Variants in FLYWCH1 observed in about 807,000 individuals in gnomAD.
FLYWCH1 encodes the protein FLYWCH-type zinc finger 1.
FLYWCH1 carries 75 observed loss-of-function variants against 66.4 expected under a neutral mutation model. The observed-to-expected ratio is 1.13, with a 90% CI of 0.94 to 1.37. FLYWCH1 has a LOEUF of 1.37. Ranked by LOEUF, FLYWCH1 falls within the 40% of genes most tolerant of loss-of-function variation. FLYWCH1 has a pLI of 0.00. For missense variants in FLYWCH1, 1,334 were observed against 1,001.8 expected (o/e 1.33, Z -4.48); for synonymous variants, 595 against 429.9 (o/e 1.38, Z -4.75).
In FLYWCH1 at chr16:2,930,774, C is replaced by A; in HGVS notation, c.690C>A (p.Pro230=). Residue 230 remains proline, a synonymous_variant, in exon 4 of 10, where the codon CCC becomes CCA. Transcript: ENST00000253928. ...GPWQCPEEPE[P]TPGLVLSKPA... is the part of the protein sequence containing the mutation. Reference sequence around the variant, plus strand: ...GGCAGTGCCCTGAGGAGCCCGAGCCCACTCCTGGGCTGGTGCTGAGCAAGC... The same window carrying A: ...GGCAGTGCCCTGAGGAGCCCGAGCCAACTCCTGGGCTGGTGCTGAGCAAGC... 1 of 1,586,262 alleles carries A rather than the reference C, an allele frequency of 6.3e-7. No homozygotes were observed. Among genetic ancestry groups the A allele is most frequent in the Non-Finnish European group, 8.5e-7 (1 of 1,171,356 alleles).
At chr16:2,945,215 C>T (rs57647581) in intron 9 of FLYWCH1, among the ~76,000 whole-genome samples, 3 of 151,928 alleles carry the variant, frequency 2.0e-5, no homozygotes, top group African/African-American at 7.2e-5. Flanking sequence ...TAGCCAGGTA[C>T]AGTGGCTCAC....
At chr16:2,945,808 T>C (rs546693290) in intron 9 of FLYWCH1, among the ~76,000 whole-genome samples, 67 of 152,070 alleles carry the variant, frequency 4.4e-4, no homozygotes, top group South Asian at 1.0e-3. Flanking sequence ...CCATCCTGGC[T>C]AACATGGTGA....
rs1017518750 is a variant in FLYWCH1 at position 2,933,670 on chromosome 16, A to C, written c.1250-46A>C. On this transcript the variant is annotated intron_variant, in intron 5 of 9. Coordinates refer to ENST00000253928, the MANE Select transcript of FLYWCH1 (RefSeq NM_001308068.2). Reference sequence around the variant, plus strand: ...GAGGGAAGGGGGTGCGATCAGGCCTACCCAGCCCCTGTCCCCTCCCCTGAC... The same window carrying C: ...GAGGGAAGGGGGTGCGATCAGGCCTCCCCAGCCCCTGTCCCCTCCCCTGAC... 3.1e-6 allele frequency: 5 copies of C among 1,587,540 alleles called. No homozygotes were observed. In the African/African-American group the frequency reaches 6.7e-5, roughly 21 times the overall value.
intron 2 of FLYWCH1, among the ~76,000 whole-genome samples, chr16:2,917,311 C>T (rs2070205374): frequency 1.3e-5 from 2 of 148,594 alleles, no homozygotes; most frequent in Admixed American, 6.7e-5. Context: ...CTCACTGCAA[C>T]TTCCACCTCC....
In FLYWCH1 at chr16:2,929,700, G is replaced by C. The variant is rs771191998; in HGVS notation, c.15G>C (p.Glu5Asp). Residue 5 changes from glutamate (E) to aspartate (D), a missense_variant, in exon 3 of 10, where the codon GAG (glutamate) becomes GAC (aspartate). Glu to Asp is a conservative substitution (Grantham distance 45). Coordinates refer to ENST00000253928, the MANE Select transcript of FLYWCH1 (RefSeq NM_001308068.2). ...TGGGTCCCGGGATGCCCCTGCCCGA[G>C]CCCAGCGAGCAGGAGGGCGAGAGTG... MPLP[E>D]PSEQEGESVK... is the part of the protein sequence containing the mutation. 19 of 1,611,938 alleles carry C rather than the reference G, an allele frequency of 1.2e-5. No individual in the cohort carries two copies. Among genetic ancestry groups the C allele is most frequent in the African/African-American group, 2.7e-5 (2 of 74,934 alleles).
In FLYWCH1 at chr16:2,930,850, C is replaced by A; in HGVS notation, c.766C>A (p.Pro256Thr). The change falls in exon 4 of 10, where the codon CCG becomes ACG. Residue 256 changes from proline to threonine, a missense_variant. By Grantham distance (38) the Pro-to-Thr change is conservative. Coordinates refer to ENST00000253928, the MANE Select transcript of FLYWCH1 (RefSeq NM_001308068.2). ...CCGAGCCCTGTCACTGCTGAGCCTG[C>A]CGCCCAAGAAGCGCTCGATCCTGGG... ...APRALSLLSL[P>T]PKKRSILGLG... is the part of the protein sequence containing the mutation. 6.2e-7 allele frequency: 1 copy of A among 1,601,168 alleles called. No individual in the cohort carries two copies.
At position 2,936,798 on chromosome 16, in the gene FLYWCH1, C is replaced by T. The variant is rs568516274; in HGVS notation, c.1514-323C>T. The T allele has an allele frequency of 2.2e-5, 12 of 552,520 alleles. No individual in the cohort carries two copies. The East Asian group carries it at 4.4e-4, about 20-fold the overall frequency. The allele number at this position is 552,520 out of a possible 1,614,324, so 34.2% of individuals were successfully genotyped here. On this transcript the variant is annotated intron_variant, in intron 6 of 9. Coordinates refer to ENST00000253928, the MANE Select transcript of FLYWCH1 (RefSeq NM_001308068.2). ...TTCCTCTGACCAACCAGGCACGGCG[C>T]ACCCTGCATGCAAGCCTGGGCGGGT...
rs1255427338 is a variant in FLYWCH1 at position 2,948,717 on chromosome 16, A to T, written c.2141A>T (p.Glu714Val). The T allele has an allele frequency of 6.2e-7, 1 of 1,613,944 alleles. No homozygotes were observed. The highest frequency in any genetic ancestry group is 8.5e-7 in the Non-Finnish European group (1 of 1,179,804). ...ATCAAAGACGTCAGACTGGATGGCGAGTCCCAGTGAGGCGATGTGGGCAGA... is the reference window on the plus strand; with the variant it reads ...ATCAAAGACGTCAGACTGGATGGCGTGTCCCAGTGAGGCGATGTGGGCAGA... ...GDIKDVRLDG[E>V]SQ The change falls in exon 10 of 10, where the codon GAG becomes GTG. Residue 714 changes from glutamate to valine, a missense_variant. Coordinates refer to ENST00000253928, the MANE Select transcript of FLYWCH1 (RefSeq NM_001308068.2).
intron 4 of FLYWCH1, among the ~76,000 whole-genome samples, 189 bp downstream of exon 4, chr16:2,931,069 C>T (rs955733574): frequency 1.3e-5 from 2 of 151,996 alleles, no homozygotes; most frequent in African/African-American, 2.4e-5. Context: ...CTTTGGGAGG[C>T]CAAGGCGGAC....
intron 2 of FLYWCH1, among the ~76,000 whole-genome samples, chr16:2,917,840 C>G (rs953472979): frequency 2.3e-5 from 3 of 129,658 alleles, no homozygotes; most frequent in Admixed American, 8.4e-5. Context: ...AATCTGGAGT[C>G]TTTTCTTCCC....
At position 2,933,255 on chromosome 16, in the gene FLYWCH1, G is replaced by A. The variant is rs746052226; in HGVS notation, c.922G>A (p.Ala308Thr). ...DKVYWTCRDH[A>T]LHGCRSRAIT... ...GGTGTATTGGACCTGCCGGGACCAC[G>A]CGCTGCACGGCTGCCGGAGCCGGGC... The change falls in exon 5 of 10, where the codon GCG becomes ACG. Residue 308 changes from alanine (A) to threonine (T), a missense_variant. Physicochemically the swap from Ala to Thr is moderately conservative, Grantham distance 58. Transcript: ENST00000253928. 32 of 1,613,266 alleles carry A rather than the reference G, an allele frequency of 2.0e-5. No individual in the cohort carries two copies. Among genetic ancestry groups the A allele is most frequent in the South Asian group, 5.5e-5 (5 of 91,054 alleles).
chr16:2,937,289 T>C lies in FLYWCH1; in HGVS notation c.1682T>C (p.Val561Ala). ...RAITQGRRVM[V>A]MRRHCHPPDL... Reference sequence around the variant, plus strand: ...ATCACCCAGGGCCGGCGGGTCATGGTCATGCGCAGGCACTGCCACCCACCG... The same window carrying C: ...ATCACCCAGGGCCGGCGGGTCATGGCCATGCGCAGGCACTGCCACCCACCG... Residue 561 changes from valine (V) to alanine (A), a missense_variant, in exon 7 of 10, where the codon GTC becomes GCC. Transcript: ENST00000253928. 6.2e-7 allele frequency: 1 copy of C among 1,604,438 alleles called. No individual in the cohort carries two copies.
chr16:2,940,285 C>CT (rs1364666551), intron 9 of FLYWCH1, 193 bp downstream of exon 9: 6 of 526,888 alleles, frequency 1.1e-5, no homozygotes, highest in Non-Finnish European at 2.0e-5. Context: ...CCAAGTGAGG[C>CT]TGGAGGCCCT....
chr16:2,937,398 G>T lies in FLYWCH1; in HGVS notation c.1777+14G>T. ...GGGACAGCCCAGGTGCGTGTGGAGGGTGCTGGGCTGGGTCTGCCTGGTCTC... is the reference window on the plus strand; with the variant it reads ...GGGACAGCCCAGGTGCGTGTGGAGGTTGCTGGGCTGGGTCTGCCTGGTCTC... On this transcript the variant is annotated intron_variant, in intron 7 of 9. Transcript: ENST00000253928. 3.9e-6 allele frequency: 6 copies of T among 1,521,834 alleles called. No homozygotes were observed. The highest frequency in any genetic ancestry group is 8.8e-7 in the Non-Finnish European group (1 of 1,138,676). 94.3% of individuals were successfully genotyped at this position (1,521,834 alleles called of 1,614,324 possible).
At chr16:2,918,498 T>C (rs1352513545) in intron 2 of FLYWCH1, among the ~76,000 whole-genome samples, 2 of 149,146 alleles carry the variant, frequency 1.3e-5, no homozygotes, top group African/African-American at 5.0e-5. Flanking sequence ...TGGAGTGCAA[T>C]GGCAGGATCT....
At chr16:2,930,902 G>C (rs754091627) in intron 4 of FLYWCH1, 22 bp downstream of exon 4, 16 of 1,548,904 alleles carry the variant, frequency 1.0e-5, no homozygotes, top group Admixed American at 1.9e-5. Context: ...CCACTCCCCT[G>C]CTGCGTCCAC....
chr16:2,923,739 A>G (rs1327138063), intron 2 of FLYWCH1, among the ~76,000 whole-genome samples: 1 of 152,092 alleles, frequency 6.6e-6, no homozygotes, highest in East Asian at 1.9e-4. Context: ...TATTCCATCT[A>G]TTAAAAAGCC....
At chr16:2,920,349 A>C (rs1289632918) in intron 2 of FLYWCH1, among the ~76,000 whole-genome samples, 1 of 151,944 alleles carries the variant, frequency 6.6e-6, no homozygotes, top group Non-Finnish European at 1.5e-5. Context: ...ATCTCTACTA[A>C]AAATACAAAA....
At chr16:2,913,477 T>C (rs1253824546) in intron 1 of FLYWCH1, among the ~76,000 whole-genome samples, 1 of 152,142 alleles carries the variant, frequency 6.6e-6, no homozygotes, top group Admixed American at 6.6e-5. Flanking sequence ...GCTGTGGCTC[T>C]TGGGCAATTC....
Sources: gnomAD v4.1 joint callset for allele counts (sites outside exome capture counted in the v4.1 genomes callset) on GRCh38, gnomAD v4.1.1 for gene constraint, MANE v1.5 for transcripts, NCBI Gene and HGNC (gene_info 2026-07-23, HGNC 2026-07-21) for gene names.